The following STK32B variants were observed in gnomAD, a reference collection of about 807,000 sequenced individuals.
The protein encoded by STK32B is serine/threonine-protein kinase 32B.
A neutral mutation model predicts 52.6 loss-of-function variants in STK32B; 43 were observed. That is an observed-to-expected ratio of 0.82 (90% CI 0.64 to 1.05). The LOEUF is 1.05. Ranked by LOEUF, STK32B falls within the 50% of genes least tolerant of loss-of-function variation. STK32B has a pLI of 0.00. For synonymous variants in STK32B, 238 were observed against 204.3 expected, an observed-to-expected ratio of 1.17 and a Z score of -1.41; for missense variants, 621 against 534.6, an observed-to-expected ratio of 1.16 and a Z score of -1.59.
intron 9 of STK32B, 38 bp from the exon 10 acceptor site, chr4:5,466,665 C>A (rs576730851): frequency 1.3e-6 from 2 of 1,589,890 alleles, no homozygotes; most frequent in Admixed American, 1.8e-5. Flanking sequence ...ATGGGTGGAA[C>A]GCAGACAGAC....
chr4:5,442,429 C>T (rs1027927350), intron 6 of STK32B, among the ~76,000 whole-genome samples: 11 of 151,706 alleles, frequency 7.3e-5, no homozygotes, highest in Non-Finnish European at 1.5e-4. Context: ...ATTGCAACCC[C>T]TGCCTTTTTT....
chr4:5,447,675 G>A (rs947597649), intron 7 of STK32B, among the ~76,000 whole-genome samples: 1 of 152,180 alleles, frequency 6.6e-6, no homozygotes, highest in African/African-American at 2.4e-5. Context: ...ATTTTGAGGT[G>A]TTATTTCTTT....
chr4:5,052,835 G>A (rs1443591806), intron 1 of STK32B, among the ~76,000 whole-genome samples: 2 of 152,184 alleles, frequency 1.3e-5, no homozygotes, highest in Non-Finnish European at 2.9e-5. Context: ...CTGTGCCCCA[G>A]GTAAGAGCTG....
chr4:5,421,268 T>G (rs1182083520), intron 6 of STK32B, among the ~76,000 whole-genome samples: 1 of 151,982 alleles, frequency 6.6e-6, no homozygotes, highest in African/African-American at 2.4e-5. Flanking sequence ...TTTTTTGTAT[T>G]TTTAGTAGAG....
At chr4:5,299,881 A>T (rs1235134612) in intron 3 of STK32B, among the ~76,000 whole-genome samples, 1 of 152,206 alleles carries the variant, frequency 6.6e-6, no homozygotes, top group African/African-American at 2.4e-5. Flanking sequence ...AGCTGGTACC[A>T]ATCCACTGAA....
chr4:5,387,423 G>A (rs1206826698), intron 4 of STK32B, among the ~76,000 whole-genome samples: 1 of 152,152 alleles, frequency 6.6e-6, no homozygotes, highest in African/African-American at 2.4e-5. Context: ...TCACTGCCAG[G>A]CCAGTGACAT....
intron 3 of STK32B, among the ~76,000 whole-genome samples, chr4:5,246,138 A>C (rs1379042522): frequency 1.3e-5 from 2 of 152,320 alleles, no homozygotes; most frequent in South Asian, 2.1e-4. Context: ...AGATTGGGGA[A>C]GTTCTCTTGG....
At chr4:5,440,408 CTGT>C (rs756658868) in intron 6 of STK32B, among the ~76,000 whole-genome samples, 1 of 152,048 alleles carries the variant, frequency 6.6e-6, no homozygotes, top group Admixed American at 6.5e-5. Context: ...CTCTGTTTGT[CTGT>C]TGTTGGTGTG....
chr4:5,267,940 C>T (rs111833787), intron 3 of STK32B, among the ~76,000 whole-genome samples: 11 of 152,206 alleles, frequency 7.2e-5, no homozygotes, highest in Non-Finnish European at 1.2e-4. Flanking sequence ...GGATGGTTAC[C>T]GACTCTGAGA....
intron 1 of STK32B, among the ~76,000 whole-genome samples, chr4:5,077,000 C>T (rs77847588): frequency 4.0e-4 from 61 of 152,218 alleles, no homozygotes; most frequent in African/African-American, 1.3e-3. Flanking sequence ...GTTCAGGCCT[C>T]ATCATCTGCA....
At chr4:5,225,749 A>AC (rs1193971188) in intron 3 of STK32B, among the ~76,000 whole-genome samples, 2 of 152,204 alleles carry the variant, frequency 1.3e-5, no homozygotes, top group African/African-American at 2.4e-5. Flanking sequence ...CAAGGAAGGA[A>AC]CAAGAGCACC....
chr4:5,316,744 A>T (rs1480571346), intron 3 of STK32B, among the ~76,000 whole-genome samples: 1 of 9,850 alleles, frequency 1.0e-4, no homozygotes, highest in Non-Finnish European at 1.4e-4. Flanking sequence ...ATCTTATATA[A>T]TATATATTAT....
At position 5,386,532 on chromosome 4, in the gene STK32B, C is replaced by A. The variant is rs994336728; in HGVS notation, c.435-11675C>A. Among the ~76,000 whole-genome samples, 4 of 152,206 alleles carry A rather than the reference C, an allele frequency of 2.6e-5. No homozygotes were observed. Among genetic ancestry groups the A allele is most frequent in the African/African-American group, 9.6e-5 (4 of 41,452 alleles). ...TTTGACCTAGTAACTGAACATCTCTCAGCCTCATTGTCTTCATCTGTAAGG... is the reference window on the plus strand; with the variant it reads ...TTTGACCTAGTAACTGAACATCTCTAAGCCTCATTGTCTTCATCTGTAAGG... On this transcript the variant is annotated intron_variant, in intron 4 of 11. Transcript: ENST00000282908. The surrounding 1 kb of genome is among the most constrained non-coding windows in gnomAD (Gnocchi z 4.5).
At chr4:5,265,458 C>G (rs1726998311) in intron 3 of STK32B, among the ~76,000 whole-genome samples, 1 of 152,180 alleles carries the variant, frequency 6.6e-6, no homozygotes, top group African/African-American at 2.4e-5. Context: ...TTTGCCTGAC[C>G]ACTGCCGCCA....
chr4:5,346,754 T>C (rs1207131907), intron 4 of STK32B, among the ~76,000 whole-genome samples: 1 of 151,930 alleles, frequency 6.6e-6, no homozygotes, highest in African/African-American at 2.4e-5. Context: ...CTGAAATAAG[T>C]GTCAGTCACT....
intron 3 of STK32B, among the ~76,000 whole-genome samples, chr4:5,321,795 G>A (rs534551694): frequency 1.3e-5 from 2 of 152,104 alleles, no homozygotes; most frequent in East Asian, 1.9e-4. Flanking sequence ...CTCATCACGC[G>A]ACTGCTCCTG....
At chr4:5,022,174 C>T in the STK32B span, among the ~76,000 whole-genome samples, 1 of 152,200 alleles carries the variant, frequency 6.6e-6, no homozygotes, top group Admixed American at 6.5e-5. Flanking sequence ...ATTGACTTGC[C>T]TCCTGGCATC....
chr4:5,452,934 A>G (rs1716137496), intron 7 of STK32B, among the ~76,000 whole-genome samples: 1 of 151,938 alleles, frequency 6.6e-6, no homozygotes, highest in Non-Finnish European at 1.5e-5. Context: ...AGCATATCCT[A>G]AGGCCAGCGA....
intron 3 of STK32B, among the ~76,000 whole-genome samples, chr4:5,242,296 G>A (rs1437650590): frequency 6.6e-6 from 1 of 152,190 alleles, no homozygotes; most frequent in African/African-American, 2.4e-5. Context: ...GTATCTCATT[G>A]TGGTTTTGAT....
Sources: gnomAD v4.1 joint callset for allele counts (sites outside exome capture counted in the v4.1 genomes callset) on GRCh38, gnomAD v4.1.1 for gene constraint, Gnocchi (gnomAD v3.1) non-coding constraint, MANE v1.5 for transcripts, NCBI Gene and HGNC (gene_info 2026-07-23, HGNC 2026-07-21) for gene names.